Variants in LRCH2 observed in about 807,000 individuals in gnomAD.
LRCH2 encodes the protein leucine-rich repeat and calponin homology domain-containing protein 2.
In LRCH2, 38 loss-of-function variants were observed where a neutral mutation model predicts 68.9. That is an observed-to-expected ratio of 0.55 (90% CI 0.43 to 0.72). LRCH2 has a LOEUF of 0.72. Among genes scored for constraint, LRCH2 ranks in the 30% least tolerant of loss-of-function variants. LRCH2 has a pLI of 0.00. For synonymous variants in LRCH2, 191 were observed against 208.1 expected (o/e 0.92, Z 0.71); for missense variants, 528 against 572.9 (o/e 0.92, Z 0.80).
chrX:115,182,762 G>C (rs2072701822), intron 3 of LRCH2, among the ~76,000 whole-genome samples: 1 of 105,499 alleles, frequency 9.5e-6, no homozygotes, highest in African/African-American at 3.5e-5. Flanking sequence ...GAACTCAGAG[G>C]GTGGAGGTTG....
chrX:115,172,282 T>C (rs782737852), intron 5 of LRCH2, among the ~76,000 whole-genome samples: 58 of 111,913 alleles, frequency 5.2e-4, no homozygotes, highest in Non-Finnish European at 9.6e-4. Flanking sequence ...CTGCCTTAGG[T>C]TGAATCCTGG....
At chrX:115,209,995 G>T (rs781831639) in intron 1 of LRCH2, among the ~76,000 whole-genome samples, 4 of 110,936 alleles carry the variant, frequency 3.6e-5, no homozygotes, top group Non-Finnish European at 7.6e-5. Flanking sequence ...CATTCAAGAG[G>T]TGACTTAGGT....
intron 2 of LRCH2, among the ~76,000 whole-genome samples, chrX:115,185,539 C>T (rs1338230055): frequency 9.0e-6 from 1 of 111,643 alleles, no homozygotes; most frequent in Admixed American, 9.6e-5. Context: ...ATTATTTTTC[C>T]TGTTTTTCAA....
intron 20 of LRCH2, among the ~76,000 whole-genome samples, chrX:115,114,222 C>T (rs1325764674): frequency 1.8e-5 from 2 of 111,467 alleles, no homozygotes; most frequent in Non-Finnish European, 3.8e-5. Context: ...AATAGTCTTC[C>T]TCTTTCTTCC....
intron 3 of LRCH2, among the ~76,000 whole-genome samples, chrX:115,182,283 C>T (rs1306784976): frequency 5.4e-5 from 6 of 111,140 alleles, no homozygotes; most frequent in East Asian, 2.8e-4. Context: ...AAATAAATTA[C>T]GGAGACATAA....
Position 115,122,618 on chromosome X carries a change from G to A in LRCH2, c.2101-14C>T, listed in dbSNP as rs782279759. ...GCTCAGTTTGGGCTGTAAAGTAAGAGGGAAAAAATGTACTTTTAGGCATTT... is the reference window on the plus strand; with the variant it reads ...GCTCAGTTTGGGCTGTAAAGTAAGAAGGAAAAAATGTACTTTTAGGCATTT... On this transcript the variant is annotated splice_polypyrimidine_tract_variant and intron_variant, in intron 19 of 20. Coordinates refer to ENST00000317135, the MANE Select transcript of LRCH2 (RefSeq NM_020871.4). 2 of 1,198,035 alleles carry A rather than the reference G, an allele frequency of 1.7e-6. No homozygotes were observed. The highest frequency in any genetic ancestry group is 3.7e-5 in the South Asian group (2 of 54,690).
At chrX:115,178,699 C>T (rs1393171947) in intron 5 of LRCH2, among the ~76,000 whole-genome samples, 4 of 111,600 alleles carry the variant, frequency 3.6e-5, no homozygotes, top group Admixed American at 2.9e-4. Flanking sequence ...AAAAGGTAAC[C>T]CCTTTAGAAT....
chrX:115,125,887 A>G (rs1211077422), intron 16 of LRCH2, among the ~76,000 whole-genome samples: 4 of 108,802 alleles, frequency 3.7e-5, no homozygotes, highest in Non-Finnish European at 7.6e-5. Context: ...ATACCATTTT[A>G]CCTATCATAT....
At chrX:115,219,433 C>A (rs2073063976) in intron 1 of LRCH2, among the ~76,000 whole-genome samples, 1 of 110,121 alleles carries the variant, frequency 9.1e-6, no homozygotes, top group Non-Finnish European at 1.9e-5. Context: ...AAAAAAAAAT[C>A]CCATTTGTTT....
intron 20 of LRCH2, among the ~76,000 whole-genome samples, chrX:115,116,694 TA>T (rs1367040725): frequency 9.0e-6 from 1 of 111,188 alleles, no homozygotes; most frequent in Admixed American, 9.6e-5. Context: ...AATATTTTCT[TA>T]AAAAAATCAA....
chrX:115,204,927 C>A (rs1376489812), intron 1 of LRCH2, among the ~76,000 whole-genome samples: 2 of 112,040 alleles, frequency 1.8e-5, no homozygotes, highest in Admixed American at 9.5e-5. Flanking sequence ...TATAGCAATG[C>A]CCCACTTCTT....
chrX:115,115,987 C>T (rs5987854), intron 20 of LRCH2, among the ~76,000 whole-genome samples: 1 of 110,670 alleles, frequency 9.0e-6, no homozygotes, highest in South Asian at 3.8e-4. Flanking sequence ...AAATCAAAAC[C>T]GCAATAAGAT....
chrX:115,190,164 G>A, intron 1 of LRCH2: 1 of 1,165,554 alleles, frequency 8.6e-7, no homozygotes, highest in South Asian at 1.9e-5. Flanking sequence ...GGGTCCGGGA[G>A]CCACTGCCCC....
intron 1 of LRCH2, among the ~76,000 whole-genome samples, chrX:115,199,218 G>C (rs893003603): frequency 1.7e-4 from 19 of 111,564 alleles, no homozygotes; most frequent in African/African-American, 5.9e-4. Context: ...CCAAACCAAA[G>C]GCAAACATTC....
intron 11 of LRCH2, among the ~76,000 whole-genome samples, chrX:115,157,901 C>T (rs370293605): frequency 3.7e-5 from 4 of 109,539 alleles, no homozygotes; most frequent in East Asian, 5.7e-4. Flanking sequence ...ATTGTGATTA[C>T]GGTTGTGTAT....
intron 1 of LRCH2, among the ~76,000 whole-genome samples, chrX:115,229,376 A>C (rs889062515): frequency 9.0e-6 from 1 of 111,461 alleles, no homozygotes; most frequent in Non-Finnish European, 1.9e-5. Flanking sequence ...CACAACGAGC[A>C]ATTACTATGT....
At chrX:115,150,530 T>C (rs2072424125) in intron 12 of LRCH2, among the ~76,000 whole-genome samples, 2 of 111,395 alleles carry the variant, frequency 1.8e-5, no homozygotes, top group South Asian at 3.7e-4. Flanking sequence ...ACAGGGGCTA[T>C]GAAGGAAATT....
At chrX:115,154,586 T>C (rs1404304826) in intron 12 of LRCH2, among the ~76,000 whole-genome samples, 1 of 111,802 alleles carries the variant, frequency 8.9e-6, no homozygotes, top group African/African-American at 3.2e-5. Flanking sequence ...AGAAGCAATA[T>C]AGATAGGCAA....
chrX:115,170,443 A>G lies in LRCH2; in HGVS notation c.865-11T>C. The stretch of plus-strand genomic sequence containing the variant: ...ACCCTTTAAACATATCTGTCAATAA[A>G]AAATAAAGATTTAATTATATAGTTC... On this transcript the variant is annotated splice_polypyrimidine_tract_variant and intron_variant, in intron 5 of 20. Coordinates refer to ENST00000317135, the MANE Select transcript of LRCH2 (RefSeq NM_020871.4). 1 of 1,071,395 alleles carries G rather than the reference A, an allele frequency of 9.3e-7. No individual in the cohort carries two copies. The highest frequency in any genetic ancestry group is 1.2e-6 in the Non-Finnish European group (1 of 819,630). 88.3% of individuals were successfully genotyped at this position (1,071,395 alleles called of 1,213,427 possible).
Sources: allele counts gnomAD v4.1 joint callset (sites outside exome capture counted in the v4.1 genomes callset), GRCh38; gene constraint gnomAD v4.1.1; transcripts MANE v1.5; gene names NCBI Gene and HGNC (gene_info 2026-07-23, HGNC 2026-07-21).